Variants in PNPT1 observed in about 807,000 individuals in gnomAD.
The protein encoded by PNPT1 is polyribonucleotide nucleotidyltransferase 1.
Under a neutral mutation model 119.5 loss-of-function variants are expected in PNPT1, and 53 were observed. The observed-to-expected ratio is 0.44, with a 90% CI of 0.36 to 0.56. The LOEUF (loss-of-function observed/expected upper bound fraction) is 0.56. PNPT1 is among the 20% of genes least tolerant of loss of function. The probability of loss-of-function intolerance (pLI) is 0.00; values close to 1 mark genes in which losing one functional copy is unlikely to be tolerated. For missense variants in PNPT1, 948 were observed against 938.5 expected (o/e 1.01, Z -0.13); for synonymous variants, 357 against 322.1 (o/e 1.11, Z -1.16).
chr2:55,654,839 G>A (rs1696332890), intron 18 of PNPT1, 61 bp downstream of exon 18: 6 of 1,343,168 alleles, frequency 4.5e-6, no homozygotes, highest in Non-Finnish European at 6.0e-6. Context: ...GCCTCCCAAG[G>A]CTCATGCCTG....
chr2:55,647,879 T>C (rs975690878), intron 18 of PNPT1, among the ~76,000 whole-genome samples: 4 of 152,212 alleles, frequency 2.6e-5, no homozygotes, highest in African/African-American at 9.6e-5. Flanking sequence ...TCACCGAAGC[T>C]GAGTTGGAAG....
chr2:55,641,323 C>T (rs1416626380), intron 25 of PNPT1, among the ~76,000 whole-genome samples: 1 of 137,030 alleles, frequency 7.3e-6, no homozygotes, highest in Non-Finnish European at 1.5e-5. Context: ...GGCTGGAGTG[C>T]AGTGGTGCCA....
In PNPT1 at chr2:55,671,388, T is replaced by C. The variant is rs1045281427; in HGVS notation, c.919-12A>G. On this transcript the variant is annotated splice_polypyrimidine_tract_variant and intron_variant, in intron 10 of 27. Transcript: ENST00000447944. Reference sequence around the variant, plus strand: ...TCATCTCTGGAAACCTAAAAGAAAGTTGAGGTTCAGTTATTACATATACAT... The same window carrying C: ...TCATCTCTGGAAACCTAAAAGAAAGCTGAGGTTCAGTTATTACATATACAT... 12 of 1,514,882 alleles carry C rather than the reference T, an allele frequency of 7.9e-6. No homozygotes were observed. Among genetic ancestry groups the C allele is most frequent in the Non-Finnish European group, 1.1e-5 (12 of 1,123,128 alleles). The allele number at this position is 1,514,882 out of a possible 1,614,324, so 93.8% of individuals were successfully genotyped here.
At chr2:55,691,439 A>G (rs185909039) in intron 1 of PNPT1, among the ~76,000 whole-genome samples, 77 of 152,378 alleles carry the variant, frequency 5.1e-4, no homozygotes, top group African/African-American at 1.8e-3. Context: ...TGCCAATGGC[A>G]AACAAGACAA....
chr2:55,660,227 T>C (rs766735796), intron 14 of PNPT1, 34 bp from the exon 15 acceptor site: 3 of 1,541,670 alleles, frequency 1.9e-6, no homozygotes, highest in South Asian at 2.5e-5. Flanking sequence ...AAAAACATCA[T>C]AGGGAAAAAA....
intron 12 of PNPT1, among the ~76,000 whole-genome samples, 150 bp downstream of exon 12, chr2:55,667,709 TTTC>T (rs375672382): frequency 1.4e-3 from 219 of 152,336 alleles, no homozygotes; most frequent in African/African-American, 4.4e-3. Flanking sequence ...TCATGTACTT[TTTC>T]TTCAATAGGT....
Position 55,637,572 on chromosome 2 carries a change from C to T in PNPT1, c.2176G>A (p.Glu726Lys), listed in dbSNP as rs768946918. 6.2e-7 allele frequency: 1 copy of T among 1,605,644 alleles called. No homozygotes were observed. The highest frequency in any genetic ancestry group is 8.5e-7 in the Non-Finnish European group (1 of 1,172,484). Residue 726 changes from glutamate to lysine, a missense_variant, in exon 27 of 28, where the codon GAA (glutamate) becomes AAA (lysine). Physicochemically the swap from Glu to Lys is moderately conservative, Grantham distance 56. Transcript: ENST00000447944. ...KIKHPTALGL[E>K]VGQEIQVKYF... The stretch of plus-strand genomic sequence containing the variant: ...AATACCTGAATTTCTTGGCCAACTT[C>T]TAATCCTAGGGCAGTAGGATGTTTA...
intron 13 of PNPT1, among the ~76,000 whole-genome samples, chr2:55,662,523 A>G (rs554651943): frequency 1.3e-5 from 2 of 152,216 alleles, no homozygotes; most frequent in South Asian, 2.1e-4. Flanking sequence ...AAAAATACAA[A>G]AATTAGCTGG....
intron 18 of PNPT1, among the ~76,000 whole-genome samples, chr2:55,650,859 G>A (rs1381677095): frequency 3.3e-5 from 5 of 151,026 alleles, no homozygotes; most frequent in African/African-American, 9.7e-5. Flanking sequence ...AGTGAGGAGC[G>A]TCTCTGCCCG....
intron 19 of PNPT1, among the ~76,000 whole-genome samples, chr2:55,647,083 G>A (rs1696027631): frequency 6.6e-6 from 1 of 151,974 alleles, no homozygotes; most frequent in Non-Finnish European, 1.5e-5. Context: ...AAAGTGCTGG[G>A]ATTACAGGCA....
intron 5 of PNPT1, among the ~76,000 whole-genome samples, chr2:55,683,480 G>A (rs908616409): frequency 1.3e-5 from 2 of 151,972 alleles, no homozygotes; most frequent in Admixed American, 1.3e-4. Flanking sequence ...GGGCATGGTG[G>A]TGCGTGCCTG....
At position 55,637,542 on chromosome 2, in the gene PNPT1, A is replaced by C. The variant is rs1352559155; in HGVS notation, c.2196+10T>G. The C allele has an allele frequency of 1.3e-6, 2 of 1,592,648 alleles. No homozygotes were observed. The highest frequency in any genetic ancestry group is 1.3e-5 in the African/African-American group (1 of 74,480). The stretch of plus-strand genomic sequence containing the variant: ...TACAACTTCAAGGCTAAAAGGTGGA[A>C]TACAAATACCTGAATTTCTTGGCCA... On this transcript the variant is annotated intron_variant, in intron 27 of 27. Transcript: ENST00000447944.
intron 18 of PNPT1, among the ~76,000 whole-genome samples, chr2:55,654,216 C>T (rs1696308123): frequency 6.8e-6 from 1 of 147,110 alleles, no homozygotes; most frequent in Admixed American, 6.9e-5. Flanking sequence ...GAGACTGCAC[C>T]ACTGCACTTC....
intron 8 of PNPT1, among the ~76,000 whole-genome samples, chr2:55,679,252 C>T (rs1053784431): frequency 2.0e-5 from 3 of 151,946 alleles, no homozygotes; most frequent in Non-Finnish European, 4.4e-5. Flanking sequence ...CAAGAGGATA[C>T]CAAGCAGACT....
At chr2:55,644,493 C>G in intron 23 of PNPT1, 144 bp downstream of exon 23, 1 of 485,040 alleles carries the variant, frequency 2.1e-6, no homozygotes, top group Non-Finnish European at 3.5e-6. Context: ...AACTCACAGT[C>G]AAGACACGTC....
intron 19 of PNPT1, 54 bp from the exon 20 acceptor site, chr2:55,646,540 A>T (rs954349519): frequency 1.4e-6 from 2 of 1,410,214 alleles, no homozygotes; most frequent in African/African-American, 1.4e-5. Flanking sequence ...AAAAGTCAAC[A>T]TATTCACTGT....
rs1455949814 is a variant in PNPT1 at position 55,686,557 on chromosome 2, TACGAC to T, written c.223-118_223-114del. The T allele has an allele frequency of 7.1e-6, 5 of 706,804 alleles. No individual in the cohort carries two copies. The African/African-American group carries it at 7.2e-5, about 10-fold the overall frequency. 43.8% of individuals were successfully genotyped at this position (706,804 alleles called of 1,614,324 possible). A position where few individuals can be genotyped will look rare whatever the true frequency, so the allele number is the denominator to read the frequency against. On this transcript the variant is annotated intron_variant, in intron 2 of 27. Coordinates refer to ENST00000447944, the MANE Select transcript of PNPT1 (RefSeq NM_033109.5). The stretch of plus-strand genomic sequence containing the variant: ...AAACTCAAGAAAAGATATCTAATTC[TACGAC>T]ACGATTATGAAATAAAAAATATTCA...
chr2:55,672,797 T>A, intron 9 of PNPT1, 96 bp downstream of exon 9: 2 of 1,135,394 alleles, frequency 1.8e-6, no homozygotes, highest in Non-Finnish European at 2.5e-6. Context: ...ATTTATGAAG[T>A]AATGCATGGG....
At chr2:55,686,235 G>C (rs1246695558) in intron 3 of PNPT1, 135 bp downstream of exon 3, 1 of 700,450 alleles carries the variant, frequency 1.4e-6, no homozygotes, top group Non-Finnish European at 2.3e-6. Context: ...TAATGAATCA[G>C]TATCAAAAAA....
Sources: allele counts gnomAD v4.1 joint callset (sites outside exome capture counted in the v4.1 genomes callset), GRCh38; gene constraint gnomAD v4.1.1; transcripts MANE v1.5; gene names NCBI Gene and HGNC (gene_info 2026-07-23, HGNC 2026-07-21).